Variants in RSRC1 observed in about 807,000 individuals in gnomAD.
The protein encoded by RSRC1 is serine/Arginine-related protein 53.
A neutral mutation model predicts 49.1 loss-of-function variants in RSRC1; 39 were observed. The observed-to-expected ratio is 0.79, with a 90% CI of 0.61 to 1.04. RSRC1 has a LOEUF of 1.04. Ranked by LOEUF, RSRC1 falls within the 50% of genes least tolerant of loss-of-function variation. The pLI is 0.00. For missense variants in RSRC1, 388 were observed against 402.4 expected (o/e 0.96, Z 0.31); for synonymous variants, 143 against 130.8 (o/e 1.09, Z -0.63).
intron 6 of RSRC1, among the ~76,000 whole-genome samples, chr3:158,364,542 A>T (rs1266330010): frequency 6.6e-6 from 1 of 152,088 alleles, no homozygotes; most frequent in Non-Finnish European, 1.5e-5. Flanking sequence ...TAGTTTCCTC[A>T]TCTGTAAAAC....
chr3:158,523,261 C>T (rs1316775053), intron 7 of RSRC1, among the ~76,000 whole-genome samples: 2 of 151,928 alleles, frequency 1.3e-5, no homozygotes, highest in Non-Finnish European at 2.9e-5. Flanking sequence ...TGCTAAATCT[C>T]AACATAAAGT....
intron 3 of RSRC1, among the ~76,000 whole-genome samples, chr3:158,190,555 T>TG (rs991957485): frequency 6.6e-5 from 10 of 151,280 alleles, no homozygotes; most frequent in South Asian, 4.1e-4. Context: ...TTAAATAAAT[T>TG]GGTTTTTTTT....
intron 6 of RSRC1, among the ~76,000 whole-genome samples, chr3:158,422,158 C>G (rs1578455735): frequency 6.6e-6 from 1 of 150,644 alleles, no homozygotes; most frequent in South Asian, 2.1e-4. Flanking sequence ...ATGTGCCATG[C>G]TGGTGCGCTG....
intron 4 of RSRC1, among the ~76,000 whole-genome samples, chr3:158,236,707 A>C (rs1442525535): frequency 6.6e-6 from 1 of 152,184 alleles, no homozygotes; most frequent in Non-Finnish European, 1.5e-5. Context: ...TTATTCTCCT[A>C]TTGAAGATGG....
Position 158,393,206 on chromosome 3 carries a change from CA to C in RSRC1, c.583+38303del, listed in dbSNP as rs1733414976. ...AGTTTATAGTACTAAATGTCCCTAT[CA>C]AAAAGTTAGAAAGATCCCAAATTAT... On this transcript the variant is annotated intron_variant, in intron 6 of 9. Transcript: ENST00000611884. 2.6e-5 allele frequency among the ~76,000 whole-genome samples: 4 copies of C among 151,890 alleles called. No homozygotes were observed. In the South Asian group the frequency reaches 8.3e-4, roughly 32 times the overall value.
chr3:158,342,628 A>C (rs149153264), intron 5 of RSRC1, among the ~76,000 whole-genome samples: 1 of 152,344 alleles, frequency 6.6e-6, no homozygotes, highest in East Asian at 1.9e-4. Flanking sequence ...TATTATTAAC[A>C]TGCATGGCTA....
intron 6 of RSRC1, among the ~76,000 whole-genome samples, chr3:158,424,997 T>G (rs548627359): frequency 6.6e-6 from 1 of 151,490 alleles, no homozygotes; most frequent in Non-Finnish European, 1.5e-5. Flanking sequence ...TTGCTAGCGG[T>G]CTATCAATTT....
intron 3 of RSRC1, among the ~76,000 whole-genome samples, chr3:158,134,159 A>G (rs1038566870): frequency 2.6e-5 from 4 of 152,218 alleles, no homozygotes; most frequent in Non-Finnish European, 5.9e-5. Flanking sequence ...TTATTAGAGC[A>G]TAATACTTTA....
intron 6 of RSRC1, among the ~76,000 whole-genome samples, chr3:158,406,535 C>T (rs1051528890): frequency 1.3e-5 from 2 of 152,062 alleles, no homozygotes; most frequent in Admixed American, 6.6e-5. Flanking sequence ...ATTAAAATAA[C>T]CTGGTACCCT....
intron 7 of RSRC1, among the ~76,000 whole-genome samples, chr3:158,516,352 G>T (rs370171209): frequency 0.29 from 42,784 of 149,140 alleles, 5,866 homozygotes; most frequent in South Asian, 0.39. Context: ...TGGAGTACCC[G>T]GCCGTGTGAG....
intron 4 of RSRC1, among the ~76,000 whole-genome samples, chr3:158,236,491 A>C (rs1280064917): frequency 6.6e-6 from 1 of 152,180 alleles, no homozygotes; most frequent in Non-Finnish European, 1.5e-5. Context: ...CAGCATCCAG[A>C]AGCAACAACT....
chr3:158,367,347 G>T (rs1731824282), intron 6 of RSRC1, among the ~76,000 whole-genome samples: 1 of 152,070 alleles, frequency 6.6e-6, no homozygotes, highest in Admixed American at 6.5e-5. Flanking sequence ...TTGCATGAAG[G>T]GGTGTTGAAT....
At chr3:158,218,342 G>T (rs1027329201) in intron 4 of RSRC1, among the ~76,000 whole-genome samples, 1 of 151,610 alleles carries the variant, frequency 6.6e-6, no homozygotes. Context: ...ATAGTAGCTT[G>T]GGCCAGGGAT....
At chr3:158,440,460 A>C (rs1736322652) in intron 6 of RSRC1, among the ~76,000 whole-genome samples, 1 of 152,128 alleles carries the variant, frequency 6.6e-6, no homozygotes, top group South Asian at 2.1e-4. Flanking sequence ...GACAAGATAA[A>C]GAAGTAGTTC....
At chr3:158,159,824 G>T (rs189294241) in intron 3 of RSRC1, among the ~76,000 whole-genome samples, 2 of 151,806 alleles carry the variant, frequency 1.3e-5, no homozygotes, top group Admixed American at 1.3e-4. Context: ...TTTGACTTAC[G>T]AGCTACTAGT....
At chr3:158,462,223 G>A (rs886863730) in intron 7 of RSRC1, among the ~76,000 whole-genome samples, 7 of 151,732 alleles carry the variant, frequency 4.6e-5, no homozygotes, top group Non-Finnish European at 7.4e-5. Context: ...CCTTCTTTTG[G>A]ATCTCTTGGC....
At position 158,114,624 on chromosome 3, in the gene RSRC1, A is replaced by G. The variant is rs551196873; in HGVS notation, c.-3+4401A>G. ...CATTTTCACGATATTGATTCTTCCT[A>G]TCTGTGAGCATGGAACGTTTTTCCA... is the stretch of plus-strand genomic sequence containing the variant. On this transcript the variant is annotated intron_variant, in intron 1 of 9. Transcript: ENST00000611884. Among the ~76,000 whole-genome samples the G allele has an allele frequency of 2.6e-5, 4 of 152,230 alleles. No homozygotes were observed. The East Asian group carries it at 7.7e-4, about 29-fold the overall frequency.
intron 6 of RSRC1, among the ~76,000 whole-genome samples, chr3:158,381,618 A>G (rs749139792): frequency 5.3e-5 from 8 of 152,198 alleles, no homozygotes; most frequent in Non-Finnish European, 7.3e-5. Context: ...GGTATAACCT[A>G]CTACACACCT....
intron 4 of RSRC1, among the ~76,000 whole-genome samples, chr3:158,218,093 C>T (rs556048654): frequency 3.3e-5 from 5 of 151,466 alleles, no homozygotes; most frequent in African/African-American, 4.8e-5. Context: ...GAGATGGGGC[C>T]GGAGAAACAG....
Sources: gnomAD v4.1 joint callset for allele counts (sites outside exome capture counted in the v4.1 genomes callset) on GRCh38, gnomAD v4.1.1 for gene constraint, MANE v1.5 for transcripts, NCBI Gene and HGNC (gene_info 2026-07-23, HGNC 2026-07-21) for gene names.